CCDC7: variants seen among roughly 807,000 people sequenced by gnomAD.
CCDC7 encodes coiled-coil domain-containing protein 7.
CCDC7 carries 183 observed loss-of-function variants against 196.9 expected under a neutral mutation model. The ratio of observed to expected loss-of-function variants is 0.93; its 90% CI spans 0.82 to 1.05. The LOEUF (loss-of-function observed/expected upper bound fraction) is 1.05, where lower values mean the gene tolerates loss of function less well. CCDC7 is among the 50% of genes least tolerant of loss of function. The probability of loss-of-function intolerance (pLI) is 0.00; values close to 1 mark genes in which losing one functional copy is unlikely to be tolerated. For synonymous variants in CCDC7, 525 were observed against 484.6 expected, an observed-to-expected ratio of 1.08 and a Z score of -1.10; for missense variants, 1,540 against 1,482.2, an observed-to-expected ratio of 1.04 and a Z score of -0.64.
chr10:32,710,630 A>G (rs2080666789), intron 24 of CCDC7, among the ~76,000 whole-genome samples: 1 of 152,194 alleles, frequency 6.6e-6, no homozygotes, highest in South Asian at 2.1e-4. Context: ...AGACCCACTG[A>G]TAGGGCTGGC....
intron 24 of CCDC7, among the ~76,000 whole-genome samples, chr10:32,705,051 A>T (rs1263189292): frequency 6.6e-6 from 1 of 152,106 alleles, no homozygotes; most frequent in Non-Finnish European, 1.5e-5. Context: ...GCCCAGTGAG[A>T]TGAACCCGGC....
chr10:32,600,294 A>G (rs2060857734), intron 18 of CCDC7, among the ~76,000 whole-genome samples: 1 of 120,184 alleles, frequency 8.3e-6, no homozygotes, highest in Non-Finnish European at 1.7e-5. Flanking sequence ...TGTTGCGTAT[A>G]TTTCTAGTTT....
At chr10:32,571,826 A>T in intron 15 of CCDC7, 33 bp from the exon 17 acceptor site, 3 of 1,519,066 alleles carry the variant, frequency 2.0e-6, no homozygotes, top group Admixed American at 2.3e-5. Flanking sequence ...TGCATACTTG[A>T]TATTTTTAAA....
At chr10:32,654,642 A>G (rs2069426587) in intron 20 of CCDC7, among the ~76,000 whole-genome samples, 1 of 152,140 alleles carries the variant, frequency 6.6e-6, no homozygotes, top group African/African-American at 2.4e-5. Context: ...ACCCTTGTAG[A>G]GGGGCTCCCT....
chr10:32,692,885 C>T (rs1278061185), intron 23 of CCDC7, among the ~76,000 whole-genome samples: 3 of 152,036 alleles, frequency 2.0e-5, no homozygotes, highest in African/African-American at 7.2e-5. Context: ...GGAAGGAGTC[C>T]CAAACAAGAA....
chr10:32,560,467 G>A (rs956528056), intron 13 of CCDC7, among the ~76,000 whole-genome samples: 5 of 151,980 alleles, frequency 3.3e-5, no homozygotes, highest in Admixed American at 6.6e-5. Flanking sequence ...GACTAATAGC[G>A]GATCTCTCAG....
Position 32,830,157 on chromosome 10 carries a change from C to T in CCDC7, c.3269-4658C>T, listed in dbSNP as rs1248745089. On this transcript the variant is annotated intron_variant, in intron 32 of 41. Transcript: ENST00000639629. ...ATATATATATCCTATTAGTTCTTTCCCTCTAGAGAACCCTAATACATGTGT... is the reference window on the plus strand; with the variant it reads ...ATATATATATCCTATTAGTTCTTTCTCTCTAGAGAACCCTAATACATGTGT... 8.9e-3 allele frequency among the ~76,000 whole-genome samples: 258 copies of T among 28,992 alleles called. 2 individuals are homozygous for T. The highest frequency in any genetic ancestry group is 0.018 in the African/African-American group (230 of 12,608). 19.0% of individuals were successfully genotyped at this position (28,992 alleles called of 152,430 possible).
intron 9 of CCDC7, among the ~76,000 whole-genome samples, chr10:32,498,569 G>A (rs2043283797): frequency 6.6e-6 from 1 of 152,118 alleles, no homozygotes; most frequent in Non-Finnish European, 1.5e-5. Flanking sequence ...TCATGTAAAG[G>A]CAGGCCTGGT....
At chr10:32,612,879 T>TTCTTTTC (rs199754637) in intron 18 of CCDC7, among the ~76,000 whole-genome samples, 1 of 146,988 alleles carries the variant, frequency 6.8e-6, no homozygotes, top group African/African-American at 2.5e-5. Context: ...AAATTTTCTT[T>TTCTTTTC]GTTTTTTTTT....
At chr10:32,730,785 G>A (rs1412693032) in intron 28 of CCDC7, among the ~76,000 whole-genome samples, 1 of 151,934 alleles carries the variant, frequency 6.6e-6, no homozygotes, top group East Asian at 1.9e-4. Context: ...TCCAGAAAAA[G>A]ATGAGGTATT....
At chr10:32,550,059 T>C (rs1024684015) in intron 13 of CCDC7, among the ~76,000 whole-genome samples, 7 of 152,198 alleles carry the variant, frequency 4.6e-5, no homozygotes, top group African/African-American at 1.7e-4. Context: ...GGGATGTGTT[T>C]CCATATGTTT....
At chr10:32,752,827 G>T (rs376771500) in intron 28 of CCDC7, among the ~76,000 whole-genome samples, 1 of 151,946 alleles carries the variant, frequency 6.6e-6, no homozygotes, top group East Asian at 1.9e-4. Context: ...ACTTACCTTG[G>T]TCTCAGACCC....
intron 28 of CCDC7, among the ~76,000 whole-genome samples, chr10:32,757,802 A>G (rs775579725): frequency 2.0e-5 from 3 of 152,242 alleles, no homozygotes; most frequent in Non-Finnish European, 4.4e-5. Flanking sequence ...CAAAAAATCA[A>G]TGAATCCAGG....
upstream of CCDC7, among the ~76,000 whole-genome samples, chr10:32,447,746 A>C (rs1485803721): frequency 1.3e-5 from 2 of 152,142 alleles, no homozygotes; most frequent in African/African-American, 4.8e-5. Flanking sequence ...TATTAAAAAT[A>C]CAAAAATTAG....
intron 18 of CCDC7, among the ~76,000 whole-genome samples, chr10:32,590,158 C>T (rs1469686069): frequency 6.6e-6 from 1 of 151,766 alleles, no homozygotes; most frequent in East Asian, 1.9e-4. Flanking sequence ...TTTTTGTCTT[C>T]CTTTTAGTGA....
intron 22 of CCDC7, among the ~76,000 whole-genome samples, chr10:32,688,067 ATC>A (rs2076666435): frequency 6.6e-6 from 1 of 152,060 alleles, no homozygotes; most frequent in Admixed American, 6.6e-5. Context: ...TAGTGTTCAT[ATC>A]TCTTTTTTTT....
At chr10:32,752,566 T>G (rs1405126317) in intron 28 of CCDC7, among the ~76,000 whole-genome samples, 3 of 152,110 alleles carry the variant, frequency 2.0e-5, no homozygotes, top group Admixed American at 1.3e-4. Flanking sequence ...CCCCCTTTTG[T>G]GTGACTACAA....
At chr10:32,882,491 A>G (rs1565806847) in intron 22 of CCDC7, among the ~76,000 whole-genome samples, 1 of 152,168 alleles carries the variant, frequency 6.6e-6, no homozygotes, top group Non-Finnish European at 1.5e-5. Flanking sequence ...TTCAGCTAAA[A>G]AGAATATTTT....
chr10:32,870,770 C>T (rs551137681), intron 41 of CCDC7, among the ~76,000 whole-genome samples: 1 of 152,286 alleles, frequency 6.6e-6, no homozygotes, highest in South Asian at 2.1e-4. Flanking sequence ...AGATACATCC[C>T]ATCAATACCT....
Sources: gnomAD v4.1 joint callset for allele counts (sites outside exome capture counted in the v4.1 genomes callset) on GRCh38, gnomAD v4.1.1 for gene constraint, MANE v1.5 for transcripts, NCBI Gene and HGNC (gene_info 2026-07-23, HGNC 2026-07-21) for gene names.